FAM161B: variants seen among roughly 807,000 people sequenced by gnomAD.
FAM161B encodes the protein protein FAM161B.
In FAM161B, 46 loss-of-function variants were observed where a neutral mutation model predicts 61.5. The ratio of observed to expected loss-of-function variants is 0.75; its 90% CI spans 0.59 to 0.96. FAM161B has a LOEUF of 0.96. Among genes scored for constraint, FAM161B ranks in the 40% least tolerant of loss-of-function variants. The probability of loss-of-function intolerance (pLI) is 0.00; values close to 1 mark genes in which losing one functional copy is unlikely to be tolerated. For missense variants in FAM161B, 774 were observed against 800.7 expected, an observed-to-expected ratio of 0.97 and a Z score of 0.40; for synonymous variants, 284 against 302.7, an observed-to-expected ratio of 0.94 and a Z score of 0.64.
At chr14:73,926,049 A>C in the FAM161B span, among the ~76,000 whole-genome samples, 1 of 152,006 alleles carries the variant, frequency 6.6e-6, no homozygotes, top group African/African-American at 2.4e-5. Context: ...ACAAAAACAC[A>C]ATTAACTTTA....
In FAM161B at chr14:73,934,399, A is replaced by G. The variant is rs768157441; in HGVS notation, c.1806-5T>C. ...AGTTTTGTAGTTTCTTGGAACCTGCAGAATAAATTAAAACATGAAAAACAA... is the reference window on the plus strand; with the variant it reads ...AGTTTTGTAGTTTCTTGGAACCTGCGGAATAAATTAAAACATGAAAAACAA... On this transcript the variant is annotated splice_polypyrimidine_tract_variant and splice_region_variant and intron_variant, in intron 8 of 8. Transcript: ENST00000286544. The G allele has an allele frequency of 5.0e-6, 8 of 1,589,784 alleles. No homozygotes were observed. The highest frequency in any genetic ancestry group is 6.0e-6 in the Non-Finnish European group (7 of 1,173,876).
rs1296079204 is a variant in FAM161B at position 73,946,283 on chromosome 14, T to C, written c.374+3A>G. The C allele has an allele frequency of 1.2e-6, 2 of 1,610,574 alleles. No individual in the cohort carries two copies. The highest frequency in any genetic ancestry group is 1.7e-6 in the Non-Finnish European group (2 of 1,177,612). On this transcript the variant is annotated splice_donor_region_variant and intron_variant, in intron 2 of 8. Transcript: ENST00000286544. ...AGGCAGCCGTGGAGCTGCAGTGCCT[T>C]ACCTCAGAGCCTGCGGGCACTGGAC...
At position 73,934,377 on chromosome 14, in the gene FAM161B, T is replaced by G. The variant is rs1481574224; in HGVS notation, c.1823A>C (p.Lys608Thr). 1.9e-6 allele frequency: 3 copies of G among 1,602,738 alleles called. No individual in the cohort carries two copies. Among genetic ancestry groups the G allele is most frequent in the Non-Finnish European group, 2.5e-6 (3 of 1,177,274 alleles). Residue 608 changes from lysine to threonine, a missense_variant, in exon 9 of 9, where the codon AAA (lysine) becomes ACA (threonine). Physicochemically the swap from Lys to Thr is moderately conservative, Grantham distance 78 (BLOSUM62 -1). Coordinates refer to ENST00000286544, the MANE Select transcript of FAM161B (RefSeq NM_152445.3). ...KDFPRFQETT[K>T]LSIRDPEQGL... ...CTGCTCTGGATCTCTGATGCTGAGT[T>G]TTGTAGTTTCTTGGAACCTGCAGAA...
the FAM161B span, chr14:73,923,371 A>T: frequency 6.2e-7 from 1 of 1,607,308 alleles, no homozygotes; most frequent in East Asian, 2.2e-5. Flanking sequence ...CTTTTCATTG[A>T]AACATTTTTC....
intron 3 of FAM161B, among the ~76,000 whole-genome samples, chr14:73,943,981 T>C (rs936518655): frequency 5.9e-5 from 9 of 152,312 alleles, no homozygotes; most frequent in Middle Eastern, 3.4e-3. Flanking sequence ...TGGGGGAGCA[T>C]CTCAGGGCAG....
chr14:73,942,279 C>A (rs1422398259), intron 4 of FAM161B, 90 bp downstream of exon 4: 19 of 1,333,078 alleles, frequency 1.4e-5, no homozygotes, highest in Non-Finnish European at 1.5e-5. Flanking sequence ...ATAGGAAAAC[C>A]TTGTTGAGAA....
At chr14:73,931,749 C>T (rs1272247367), downstream of FAM161B, 1 of 572,914 alleles carries the variant, frequency 1.7e-6, no homozygotes, top group East Asian at 3.3e-5. Flanking sequence ...AGGAATGAAG[C>T]AATGACTGTG....
Position 73,932,343 on chromosome 14 carries a change from T to G in FAM161B, c.*1913A>C. The G allele has an allele frequency of 2.7e-6, 1 of 373,408 alleles. No individual in the cohort carries two copies. Among genetic ancestry groups the G allele is most frequent in the South Asian group, 2.0e-5 (1 of 50,318 alleles). The allele number at this position is 373,408 out of a possible 1,614,324, so 23.1% of individuals were successfully genotyped here. ...GAGATTAAGAATTTAATCTTTCCCT[T>G]TAAAATAGTGTATTGATTTACCCTT... is the stretch of plus-strand genomic sequence containing the variant. On this transcript the variant is annotated 3_prime_UTR_variant, in exon 9 of 9. Transcript: ENST00000286544.
At position 73,942,418 on chromosome 14, in the gene FAM161B, A is replaced by T; in HGVS notation, c.1223T>A (p.Leu408Gln). The T allele has an allele frequency of 6.2e-7, 1 of 1,614,118 alleles. No individual in the cohort carries two copies. Among genetic ancestry groups the T allele is most frequent in the Non-Finnish European group, 8.5e-7 (1 of 1,180,022 alleles). The change falls in exon 4 of 9, where the codon CTG becomes CAG. Residue 408 changes from leucine (L) to glutamine (Q), a missense_variant. By Grantham distance (113) the Leu-to-Gln change is moderately radical (BLOSUM62 -2). Transcript: ENST00000286544. ...NKPFLLRTAN[L>Q]RHPQRPCDAA... ...ATCACAGGGCCGCTGAGGGTGGCGCAGGTTGGCGGTCCTCAGCAAGAAGGG... is the reference window on the plus strand; with the variant it reads ...ATCACAGGGCCGCTGAGGGTGGCGCTGGTTGGCGGTCCTCAGCAAGAAGGG...
intron 7 of FAM161B, among the ~76,000 whole-genome samples, chr14:73,936,731 G>A (rs2055973487): frequency 6.6e-6 from 1 of 152,312 alleles, no homozygotes; most frequent in East Asian, 1.9e-4. Context: ...GACCATGTGT[G>A]CTTATGTGTG....
At chr14:73,949,460 C>T (rs1726047130) in intron 1 of FAM161B, among the ~76,000 whole-genome samples, 1 of 151,876 alleles carries the variant, frequency 6.6e-6, no homozygotes, top group South Asian at 2.1e-4. Context: ...CCTCATGATC[C>T]GCTTTCCTTG....
chr14:73,934,415 T>C (rs372904999), intron 8 of FAM161B, 21 bp from the exon 9 acceptor site: 3 of 1,584,410 alleles, frequency 1.9e-6, no homozygotes, highest in Non-Finnish European at 2.6e-6. Context: ...AATTAAAACA[T>C]GAAAAACAAA....
chr14:73,936,077 C>A lies in FAM161B; in HGVS notation c.1677G>T (p.Lys559Asn). 1 of 1,608,328 alleles carries A rather than the reference C, an allele frequency of 6.2e-7. No individual in the cohort carries two copies. Among genetic ancestry groups the A allele is most frequent in the Non-Finnish European group, 8.5e-7 (1 of 1,177,078 alleles). The change falls in exon 8 of 9, where the codon AAG (lysine) becomes AAT (asparagine). Residue 559 changes from lysine to asparagine, a missense_variant. Lys to Asn is a moderately conservative substitution (Grantham distance 94, BLOSUM62 0). Coordinates refer to ENST00000286544, the MANE Select transcript of FAM161B (RefSeq NM_152445.3). ...CTAGATACCACTGTTCTGCTTCTTT[C>A]TTGGCTAGATCCTGTGGGATGGAAA... ...LFEQVAKDLA[K>N]KEAEQWYLDT...
At chr14:73,935,559 A>T (rs1024655629) in intron 8 of FAM161B, among the ~76,000 whole-genome samples, 6 of 150,594 alleles carry the variant, frequency 4.0e-5, no homozygotes, top group Non-Finnish European at 7.4e-5. Flanking sequence ...AAAAAAAAAA[A>T]GGTTATGGAG....
Position 73,934,348 on chromosome 14 carries a change from A to T in FAM161B, c.1852T>A (p.Leu618Ile). 1 of 1,614,092 alleles carries T rather than the reference A, an allele frequency of 6.2e-7. No homozygotes were observed. The highest frequency in any genetic ancestry group is 1.1e-5 in the South Asian group (1 of 91,082). ...GCAGGCTGTTCTAGAGATCCTTCTA[A>T]ACCCTGCTCTGGATCTCTGATGCTG... ...KLSIRDPEQG[L>I]EGSLEQPASP... Residue 618 changes from leucine (L) to isoleucine (I), a missense_variant, in exon 9 of 9, where the codon TTA (leucine) becomes ATA (isoleucine). By Grantham distance (5) the Leu-to-Ile change is conservative. Transcript: ENST00000286544.
At chr14:73,938,339 A>G (rs2140343621) in intron 5 of FAM161B, among the ~76,000 whole-genome samples, 1 of 152,178 alleles carries the variant, frequency 6.6e-6, no homozygotes, top group South Asian at 2.1e-4. Flanking sequence ...TGCACCTGTA[A>G]TCCCAACTAC....
Position 73,946,516 on chromosome 14 carries a change from G to A in FAM161B, c.144C>T (p.Asp48=), listed in dbSNP as rs777312209. 4.3e-6 allele frequency: 7 copies of A among 1,614,014 alleles called. No homozygotes were observed. The highest frequency in any genetic ancestry group is 2.7e-5 in the African/African-American group (2 of 74,902). Reference sequence around the variant, plus strand: ...TCTCCTCCTCTGGGCTGAGGAACTCGTCAAGTTTGCTGGCCCTGGGCAAAA... The same window carrying A: ...TCTCCTCCTCTGGGCTGAGGAACTCATCAAGTTTGCTGGCCCTGGGCAAAA... ...GLVLPRASKL[D]EFLSPEEEID... The change falls in exon 2 of 9, where the codon GAC becomes GAT. Residue 48 remains aspartate, a synonymous_variant. Coordinates refer to ENST00000286544, the MANE Select transcript of FAM161B (RefSeq NM_152445.3).
downstream of FAM161B, chr14:73,932,138 A>G (rs2055925821): frequency 1.6e-5 from 6 of 385,414 alleles, no homozygotes; most frequent in South Asian, 1.1e-4. Context: ...ATACACTTCT[A>G]CTTGGTCACT....
chr14:73,931,860 T>C, downstream of FAM161B: 1 of 445,734 alleles, frequency 2.2e-6, no homozygotes, highest in Non-Finnish European at 4.4e-6. Flanking sequence ...ATTCTGACTG[T>C]TGAGGGGAGG....
Sources: allele counts gnomAD v4.1 joint callset (sites outside exome capture counted in the v4.1 genomes callset), GRCh38; gene constraint gnomAD v4.1.1; transcripts MANE v1.5; gene names NCBI Gene and HGNC (gene_info 2026-07-23, HGNC 2026-07-21).